The following STARD13 variants were observed in gnomAD, a reference collection of about 807,000 sequenced individuals.
The protein encoded by STARD13 is StAR related lipid transfer domain containing 13, also known as stAR-related lipid transfer protein 13.
In STARD13, 62 loss-of-function variants were observed where a neutral mutation model predicts 106.4. The ratio of observed to expected loss-of-function variants is 0.58; its 90% CI spans 0.48 to 0.72. The LOEUF is 0.72. Among genes scored for constraint, STARD13 ranks in the 30% least tolerant of loss-of-function variants. The pLI, the probability that STARD13 is intolerant of heterozygous loss-of-function variation, is 0.00. For synonymous variants in STARD13, 565 were observed against 553.0 expected, an observed-to-expected ratio of 1.02 and a Z score of -0.31; for missense variants, 1,387 against 1,424.0, an observed-to-expected ratio of 0.97 and a Z score of 0.42.
At chr13:33,643,295 G>T in the STARD13 span, among the ~76,000 whole-genome samples, 3 of 152,148 alleles carry the variant, frequency 2.0e-5, no homozygotes, top group African/African-American at 7.2e-5. Flanking sequence ...AAAGAACGCT[G>T]CGTATTTGCC....
chr13:33,279,941 G>A (rs1030314699), intron 1 of STARD13: 1 of 151,856 alleles, frequency 6.6e-6, no homozygotes, highest in African/African-American at 2.4e-5. Flanking sequence ...TCTGATTCAT[G>A]AAATGTGAAT....
chr13:33,293,993 G>T (rs777082401), intron 1 of STARD13, among the ~76,000 whole-genome samples: 3 of 152,094 alleles, frequency 2.0e-5, no homozygotes, highest in Non-Finnish European at 1.5e-5. Context: ...CTAATGCAAA[G>T]ACATGTATTT....
intron 1 of STARD13, among the ~76,000 whole-genome samples, chr13:33,250,867 T>G (rs1488866327): frequency 6.6e-6 from 1 of 152,218 alleles, no homozygotes; most frequent in Non-Finnish European, 1.5e-5. Flanking sequence ...ATAAACTGTA[T>G]GAGGACAAGA....
At chr13:33,184,727 T>C (rs1302417109) in intron 1 of STARD13, among the ~76,000 whole-genome samples, 2 of 152,254 alleles carry the variant, frequency 1.3e-5, no homozygotes, top group Non-Finnish European at 2.9e-5. Context: ...GTCACAGGGA[T>C]TTGAACTTGA....
At chr13:33,481,460 T>C in the STARD13 span, among the ~76,000 whole-genome samples, 3 of 152,302 alleles carry the variant, frequency 2.0e-5, no homozygotes, top group East Asian at 5.8e-4. Context: ...TGCTTTTAGA[T>C]GCAACTATCA....
chr13:33,489,693 G>A, the STARD13 span, among the ~76,000 whole-genome samples: 3 of 152,188 alleles, frequency 2.0e-5, no homozygotes, highest in African/African-American at 7.2e-5. Flanking sequence ...AAAATGGAAT[G>A]TGCTAATTTT....
chr13:33,454,183 A>C, the STARD13 span, among the ~76,000 whole-genome samples: 1 of 152,174 alleles, frequency 6.6e-6, no homozygotes, highest in Admixed American at 6.5e-5. Context: ...CTGCCCAGTG[A>C]ATGAACTTGG....
At chr13:33,231,019 A>G (rs575325526) in intron 1 of STARD13, among the ~76,000 whole-genome samples, 1 of 152,366 alleles carries the variant, frequency 6.6e-6, no homozygotes, top group African/African-American at 2.4e-5. Flanking sequence ...ACTAGCTTAG[A>G]AGGAGATAGA....
At chr13:33,187,225 AG>A (rs1235991773) in intron 1 of STARD13, among the ~76,000 whole-genome samples, 1 of 152,230 alleles carries the variant, frequency 6.6e-6, no homozygotes, top group Non-Finnish European at 1.5e-5. Flanking sequence ...CCGGGAAGGC[AG>A]GGAAAGAGGG....
the STARD13 span, among the ~76,000 whole-genome samples, chr13:33,448,779 C>G: frequency 4.6e-5 from 7 of 152,064 alleles, no homozygotes; most frequent in African/African-American, 1.7e-4. Flanking sequence ...TACTGTTTGT[C>G]CTTTTGATAA....
the STARD13 span, among the ~76,000 whole-genome samples, chr13:33,505,757 A>G: frequency 6.6e-6 from 1 of 152,180 alleles, no homozygotes; most frequent in Admixed American, 6.6e-5. Context: ...GCCAAGCCAA[A>G]ATAGCACCTC....
intron 1 of STARD13, among the ~76,000 whole-genome samples, chr13:33,200,282 C>T (rs1405841423): frequency 2.0e-5 from 3 of 152,310 alleles, no homozygotes; most frequent in East Asian, 3.9e-4. Flanking sequence ...ATCTAGCTCC[C>T]CTAACCAGCC....
chr13:33,633,977 C>A, the STARD13 span, among the ~76,000 whole-genome samples: 2 of 152,096 alleles, frequency 1.3e-5, no homozygotes, highest in Admixed American at 1.3e-4. Context: ...ATCTTTCAGT[C>A]AAATAGATTC....
chr13:33,264,249 G>A (rs1049097856), intron 1 of STARD13, among the ~76,000 whole-genome samples: 2 of 152,174 alleles, frequency 1.3e-5, no homozygotes, highest in African/African-American at 4.8e-5. Flanking sequence ...CATTTCCACC[G>A]TGTCTTTTCC....
the STARD13 span, among the ~76,000 whole-genome samples, chr13:33,670,078 C>A: frequency 1.3e-5 from 2 of 152,114 alleles, no homozygotes; most frequent in African/African-American, 2.4e-5. Flanking sequence ...ATTGGCTGAT[C>A]ATTTGGGCTG....
chr13:33,643,155 A>G, the STARD13 span, among the ~76,000 whole-genome samples: 16,338 of 140,110 alleles, frequency 0.12, 1,963 homozygotes, highest in African/African-American at 0.28. Context: ...TTTACATAGA[A>G]CATGCACACA....
intron 1 of STARD13, among the ~76,000 whole-genome samples, chr13:33,265,211 T>C (rs1201100464): frequency 6.6e-6 from 1 of 151,862 alleles, no homozygotes; most frequent in Non-Finnish European, 1.5e-5. Context: ...TTAAACTCTA[T>C]ATTAATAGCT....
At chr13:33,362,887 A>G in the STARD13 span, among the ~76,000 whole-genome samples, 1 of 152,238 alleles carries the variant, frequency 6.6e-6, no homozygotes, top group Non-Finnish European at 1.5e-5. Context: ...CAGCACCTAG[A>G]GCAGTGTTTG....
At chr13:33,174,212 C>T (rs374293743) in intron 1 of STARD13, among the ~76,000 whole-genome samples, 1 of 152,000 alleles carries the variant, frequency 6.6e-6, no homozygotes, top group African/African-American at 2.4e-5. Flanking sequence ...ATGACATATA[C>T]GTAAACAAAT....
Sources: gnomAD v4.1 joint callset for allele counts (sites outside exome capture counted in the v4.1 genomes callset) on GRCh38, gnomAD v4.1.1 for gene constraint, MANE v1.5 for transcripts, NCBI Gene and HGNC (gene_info 2026-07-23, HGNC 2026-07-21) for gene names.